The following HDAC4 variants were observed in gnomAD, a reference collection of about 807,000 sequenced individuals.
The protein encoded by HDAC4 is histone deacetylase 4, also known as histone deacetylase A.
Under a neutral mutation model 135.1 loss-of-function variants are expected in HDAC4, and 16 were observed. The ratio of observed to expected loss-of-function variants is 0.12; its 90% CI spans 0.08 to 0.18. HDAC4 has a LOEUF of 0.18. Ranked by LOEUF, HDAC4 falls within the 10% of genes least tolerant of loss-of-function variation. The pLI, the probability that HDAC4 is intolerant of heterozygous loss-of-function variation, is 1.00. For missense variants in HDAC4, 1,143 were observed against 1,511.8 expected (o/e 0.76, Z 4.05); for synonymous variants, 685 against 653.4 (o/e 1.05, Z -0.74).
intron 2 of HDAC4, among the ~76,000 whole-genome samples, chr2:239,281,265 C>A (rs188673658): frequency 1.4e-5 from 2 of 143,512 alleles, no homozygotes; most frequent in Non-Finnish European, 3.1e-5. Flanking sequence ...ACACACCACT[C>A]TACACACAAT....
rs2040197542 is a variant in HDAC4 at position 239,126,471 on chromosome 2, T to TTGC, written c.1515_1517dup (p.Gln506dup). On this transcript the variant is annotated inframe_insertion, in exon 12 of 27. Transcript: ENST00000543185. ...GCAAACCCACCTTGTTCATCTGCAG[T>TTGC]TGCTGCTGCTGGAACTGCTGCTTGT... The TTGC allele has an allele frequency of 6.2e-7, 1 of 1,613,672 alleles. No homozygotes were observed. The highest frequency in any genetic ancestry group is 8.5e-7 in the Non-Finnish European group (1 of 1,179,916).
Position 239,216,201 on chromosome 2 carries a change from C to T in HDAC4, c.94+20392G>A, listed in dbSNP as rs534608847. Among the ~76,000 whole-genome samples, 81 of 151,574 alleles carry T rather than the reference C, an allele frequency of 5.3e-4. 1 individual carries two copies. The South Asian group carries it at 0.015, about 28-fold the overall frequency. On this transcript the variant is annotated intron_variant, in intron 3 of 26. Transcript: ENST00000543185. ...AAAAACGCACGTGTTTATATATATA[C>T]ACACACACACATAGATATTCACACA...
intron 7 of HDAC4, chr2:239,155,707 C>G (rs2042382441): frequency 6.6e-6 from 1 of 152,270 alleles, no homozygotes; most frequent in Admixed American, 6.5e-5. Flanking sequence ...CTGGCCAAAA[C>G]CTTTGGATAA....
At chr2:239,212,757 C>G (rs1269151639) in intron 3 of HDAC4, among the ~76,000 whole-genome samples, 2 of 152,164 alleles carry the variant, frequency 1.3e-5, no homozygotes, top group Non-Finnish European at 2.9e-5. Flanking sequence ...GGAGGGTCCT[C>G]TCTGGGCTAA....
At chr2:239,224,137 A>G (rs1389281495) in intron 3 of HDAC4, among the ~76,000 whole-genome samples, 1 of 152,228 alleles carries the variant, frequency 6.6e-6, no homozygotes, top group African/African-American at 2.4e-5. Flanking sequence ...GCAGTGCTTA[A>G]AGCCAAAAAT....
chr2:239,343,606 C>T (rs1006087752), intron 2 of HDAC4, among the ~76,000 whole-genome samples: 5 of 152,264 alleles, frequency 3.3e-5, no homozygotes, highest in Non-Finnish European at 5.9e-5. Context: ...TTGGCCTCCA[C>T]ATCCCTCAGG....
intron 4 of HDAC4, among the ~76,000 whole-genome samples, chr2:239,180,951 G>A (rs1280128047): frequency 6.6e-6 from 1 of 152,262 alleles, no homozygotes; most frequent in African/African-American, 2.4e-5. Context: ...CCCGTCCACT[G>A]TCCCATGGCA....
intron 16 of HDAC4, among the ~76,000 whole-genome samples, chr2:239,102,069 C>T (rs569355841): frequency 2.6e-5 from 2 of 76,474 alleles, no homozygotes; most frequent in African/African-American, 9.4e-5. Context: ...CCCGGGTCCA[C>T]GTTCTGTGCC....
chr2:239,389,564 AC>A (rs1696060678), intron 1 of HDAC4, among the ~76,000 whole-genome samples: 1 of 152,154 alleles, frequency 6.6e-6, no homozygotes, highest in Admixed American at 6.5e-5. Context: ...AACTCCGGAC[AC>A]AGGATGGGGC....
intron 7 of HDAC4, among the ~76,000 whole-genome samples, chr2:239,149,588 G>T (rs952028616): frequency 5.3e-5 from 8 of 152,252 alleles, no homozygotes; most frequent in African/African-American, 1.9e-4. Context: ...CGCCTCACGT[G>T]CCCTGCGTGG....
chr2:239,074,588 C>A (rs749114218), intron 22 of HDAC4, among the ~76,000 whole-genome samples: 2 of 152,212 alleles, frequency 1.3e-5, no homozygotes, highest in Non-Finnish European at 2.9e-5. Flanking sequence ...GTCGGATGCA[C>A]GTGCCCACAC....
intron 11 of HDAC4, among the ~76,000 whole-genome samples, chr2:239,132,409 G>A (rs4507124): frequency 0.08 from 12,240 of 152,262 alleles, 1,648 homozygotes; most frequent in African/African-American, 0.28. Context: ...TGGGGAGGCT[G>A]TGCAGGAGAG....
At chr2:239,298,018 A>C (rs1169160025) in intron 2 of HDAC4, 1 of 401,068 alleles carries the variant, frequency 2.5e-6, no homozygotes, top group African/African-American at 2.1e-5. Context: ...AGATGAGAAG[A>C]CACCAAAAAA....
intron 3 of HDAC4, among the ~76,000 whole-genome samples, chr2:239,202,029 C>T (rs1451180767): frequency 1.3e-5 from 2 of 152,186 alleles, no homozygotes; most frequent in African/African-American, 4.8e-5. Context: ...CAGCCTCCAC[C>T]CCCCTGCAGG....
At chr2:239,295,359 T>C (rs1414078993) in intron 2 of HDAC4, among the ~76,000 whole-genome samples, 1 of 117,956 alleles carries the variant, frequency 8.5e-6, no homozygotes, top group Non-Finnish European at 1.8e-5. Flanking sequence ...CTGGCAAGGG[T>C]GAAAAGCAAA....
intron 3 of HDAC4, among the ~76,000 whole-genome samples, chr2:239,192,860 A>G (rs1390298121): frequency 6.6e-6 from 1 of 152,214 alleles, no homozygotes; most frequent in Admixed American, 6.5e-5. Context: ...ATACACTTGT[A>G]TAATGTAGAA....
At position 239,299,532 on chromosome 2, in the gene HDAC4, CTGTACAACG is replaced by C. The variant is rs2052124207; in HGVS notation, c.22+53137_22+53145del. Among the ~76,000 whole-genome samples the C allele has an allele frequency of 9.3e-6, 1 of 107,168 alleles. No individual in the cohort carries two copies. The highest frequency in any genetic ancestry group is 4.5e-5 in the African/African-American group (1 of 22,366). 70.3% of individuals were successfully genotyped at this position (107,168 alleles called of 152,430 possible). On this transcript the variant is annotated intron_variant, in intron 2 of 26. Coordinates refer to ENST00000543185, the MANE Select transcript of HDAC4 (RefSeq NM_001378414.1). The surrounding 1 kb of genome is among the most constrained non-coding windows in gnomAD (Gnocchi z 4.0). ...AGTGGTGTTTATTACAGCTGTACAA[CTGTACAACG>C]GGAGGGCAGCGACACGTGCTTATTT...
intron 7 of HDAC4, among the ~76,000 whole-genome samples, chr2:239,147,007 G>A (rs2041808870): frequency 6.6e-6 from 1 of 152,210 alleles, no homozygotes; most frequent in Non-Finnish European, 1.5e-5. Flanking sequence ...CACTGCCAGG[G>A]ACAGCATGGC....
chr2:239,278,946 G>A (rs2050551053), intron 2 of HDAC4, among the ~76,000 whole-genome samples: 1 of 152,152 alleles, frequency 6.6e-6, no homozygotes, highest in Admixed American at 6.5e-5. Flanking sequence ...GGCCAGCCTG[G>A]GCAATAGTGT....
Sources: allele counts gnomAD v4.1 joint callset (sites outside exome capture counted in the v4.1 genomes callset), GRCh38; gene constraint gnomAD v4.1.1; non-coding constraint Gnocchi (gnomAD v3.1); transcripts MANE v1.5; gene names NCBI Gene and HGNC (gene_info 2026-07-23, HGNC 2026-07-21).